L3MBTL4: variants seen among roughly 807,000 people sequenced by gnomAD.
L3MBTL4 encodes the protein L3MBTL histone methyl-lysine binding protein 4.
Under a neutral mutation model 84.5 loss-of-function variants are expected in L3MBTL4, and 70 were observed. That is an observed-to-expected ratio of 0.83 (90% CI 0.68 to 1.01). The LOEUF (loss-of-function observed/expected upper bound fraction) is 1.01. Ranked by LOEUF, L3MBTL4 falls within the 50% of genes least tolerant of loss-of-function variation. The probability of loss-of-function intolerance (pLI) is 0.00; values close to 1 mark genes in which losing one functional copy is unlikely to be tolerated. For synonymous variants in L3MBTL4, 274 were observed against 259.8 expected, an observed-to-expected ratio of 1.05 and a Z score of -0.52; for missense variants, 715 against 754.8, an observed-to-expected ratio of 0.95 and a Z score of 0.62.
intron 4 of L3MBTL4, among the ~76,000 whole-genome samples, chr18:6,296,215 A>G (rs1430789289): frequency 1.3e-5 from 2 of 152,218 alleles, no homozygotes; most frequent in Non-Finnish European, 2.9e-5. Flanking sequence ...GAATCATTTA[A>G]TAAGCCATAT....
chr18:6,140,933 T>G (rs928713314), intron 13 of L3MBTL4, among the ~76,000 whole-genome samples: 1 of 151,850 alleles, frequency 6.6e-6, no homozygotes, highest in Non-Finnish European at 1.5e-5. Context: ...CACTGGGACC[T>G]AGACTCAGTC....
chr18:5,972,433 G>A (rs1414806432), intron 16 of L3MBTL4, among the ~76,000 whole-genome samples: 1 of 152,110 alleles, frequency 6.6e-6, no homozygotes. Flanking sequence ...GCTGGTGTGA[G>A]GGAAAAGGAG....
chr18:6,164,583 C>T (rs565165902), intron 13 of L3MBTL4, among the ~76,000 whole-genome samples: 1 of 152,268 alleles, frequency 6.6e-6, no homozygotes, highest in Non-Finnish European at 1.5e-5. Flanking sequence ...CTGGAGTGGA[C>T]CTCCAACAAA....
At chr18:6,119,494 G>A (rs2059460432) in intron 14 of L3MBTL4, among the ~76,000 whole-genome samples, 1 of 151,764 alleles carries the variant, frequency 6.6e-6, no homozygotes, top group Non-Finnish European at 1.5e-5. Context: ...ATAAACGTGT[G>A]GGTGGTAGGG....
intron 16 of L3MBTL4, among the ~76,000 whole-genome samples, chr18:6,014,316 T>A (rs2054864876): frequency 6.6e-6 from 1 of 152,220 alleles, no homozygotes; most frequent in Non-Finnish European, 1.5e-5. Flanking sequence ...TGAAGAAGCC[T>A]GATTTTCACA....
At chr18:6,098,975 C>T (rs2058726002) in intron 14 of L3MBTL4, among the ~76,000 whole-genome samples, 1 of 152,034 alleles carries the variant, frequency 6.6e-6, no homozygotes, top group Admixed American at 6.5e-5. Context: ...AGAGAGGGCA[C>T]TGAGACTTGG....
chr18:5,968,553 T>A (rs944573181), intron 17 of L3MBTL4, among the ~76,000 whole-genome samples: 2 of 151,850 alleles, frequency 1.3e-5, no homozygotes, highest in Admixed American at 1.3e-4. Flanking sequence ...AAAAATTAGC[T>A]AGGTGTGGTG....
chr18:6,336,205 G>A (rs527842728), intron 1 of L3MBTL4, among the ~76,000 whole-genome samples: 1 of 151,994 alleles, frequency 6.6e-6, no homozygotes, highest in African/African-American at 2.4e-5. Context: ...GCATTGGAGA[G>A]CTATGAAAGA....
In L3MBTL4 at chr18:6,008,274, G is replaced by A. The variant is rs537123969; in HGVS notation, c.1445-38712C>T. Among the ~76,000 whole-genome samples, 4 of 152,286 alleles carry A rather than the reference G, an allele frequency of 2.6e-5. No homozygotes were observed. The East Asian group carries it at 7.7e-4, about 29-fold the overall frequency. On this transcript the variant is annotated intron_variant, in intron 16 of 18. Transcript: ENST00000317931. Reference sequence around the variant, plus strand: ...AGACCCCACTCTTCCTCTGCAGGAAGGCTGTGACCTCGGCCTTGGCTTGGT... The same window carrying A: ...AGACCCCACTCTTCCTCTGCAGGAAAGCTGTGACCTCGGCCTTGGCTTGGT...
intron 16 of L3MBTL4, among the ~76,000 whole-genome samples, chr18:6,051,368 G>A (rs780319384): frequency 2.0e-5 from 3 of 152,154 alleles, no homozygotes; most frequent in Non-Finnish European, 2.9e-5. Flanking sequence ...GTGAAACCCC[G>A]TCTCTACTAA....
At chr18:6,197,852 A>T in intron 12 of L3MBTL4, among the ~76,000 whole-genome samples, 1 of 152,310 alleles carries the variant, frequency 6.6e-6, no homozygotes, top group Middle Eastern at 3.4e-3. Context: ...TGCCCTCGCA[A>T]GTATTTGAAG....
At chr18:6,022,316 A>G (rs964493269) in intron 16 of L3MBTL4, among the ~76,000 whole-genome samples, 2 of 152,066 alleles carry the variant, frequency 1.3e-5, no homozygotes, top group Non-Finnish European at 2.9e-5. Flanking sequence ...TGTGTCTATG[A>G]CCACCGTTCT....
intron 16 of L3MBTL4, among the ~76,000 whole-genome samples, chr18:6,073,432 T>TA (rs1369319608): frequency 3.3e-5 from 5 of 151,992 alleles, no homozygotes; most frequent in African/African-American, 7.2e-5. Context: ...ATTCTTTCAA[T>TA]AAAAAAAACT....
chr18:6,072,596 T>C (rs564439535), intron 16 of L3MBTL4, among the ~76,000 whole-genome samples: 1 of 151,256 alleles, frequency 6.6e-6, no homozygotes, highest in Non-Finnish European at 1.5e-5. Context: ...ATCCCAGCAC[T>C]CTGGGAGGCC....
chr18:5,999,239 T>C (rs1208884342), intron 16 of L3MBTL4, among the ~76,000 whole-genome samples: 1 of 152,208 alleles, frequency 6.6e-6, no homozygotes, highest in East Asian at 1.9e-4. Flanking sequence ...TTTATATTTA[T>C]TGAAATTCCA....
At chr18:6,120,555 T>G (rs1439848066) in intron 14 of L3MBTL4, among the ~76,000 whole-genome samples, 1 of 152,192 alleles carries the variant, frequency 6.6e-6, no homozygotes, top group African/African-American at 2.4e-5. Flanking sequence ...TCTTCACAAC[T>G]GACCATGCTC....
chr18:6,014,117 C>A (rs954279790), intron 16 of L3MBTL4, among the ~76,000 whole-genome samples: 1 of 152,198 alleles, frequency 6.6e-6, no homozygotes, highest in Admixed American at 6.5e-5. Context: ...AAAATCAATT[C>A]TTTCTGCTTC....
chr18:6,022,850 G>C (rs553090212), intron 16 of L3MBTL4, among the ~76,000 whole-genome samples: 1 of 152,204 alleles, frequency 6.6e-6, no homozygotes, highest in Non-Finnish European at 1.5e-5. Context: ...TGTGCCTTCT[G>C]TACAAAGGCA....
chr18:6,013,508 C>T (rs1294655576), intron 16 of L3MBTL4, among the ~76,000 whole-genome samples: 2 of 152,350 alleles, frequency 1.3e-5, no homozygotes, highest in Admixed American at 6.5e-5. Context: ...TAGATTCCTG[C>T]TCACCGTCTC....
Sources: gnomAD v4.1 joint callset for allele counts (sites outside exome capture counted in the v4.1 genomes callset) on GRCh38, gnomAD v4.1.1 for gene constraint, MANE v1.5 for transcripts, NCBI Gene and HGNC (gene_info 2026-07-23, HGNC 2026-07-21) for gene names.